The following BLOC1S5 variants were observed in gnomAD, a reference collection of about 807,000 sequenced individuals.
BLOC1S5 encodes biogenesis of lysosomal organelles complex 1 subunit 5.
BLOC1S5 carries 27 observed loss-of-function variants against 24.3 expected under a neutral mutation model. The observed-to-expected ratio is 1.11, with a 90% confidence interval of 0.82 to 1.53. The LOEUF (loss-of-function observed/expected upper bound fraction) is 1.53. BLOC1S5 is among the 40% of genes most tolerant of loss of function. The pLI, the probability that BLOC1S5 is intolerant of heterozygous loss-of-function variation, is 0.00. For synonymous variants in BLOC1S5, 84 were observed against 74.5 expected, an observed-to-expected ratio of 1.13 and a Z score of -0.66; for missense variants, 239 against 229.4, an observed-to-expected ratio of 1.04 and a Z score of -0.27.
At chr6:8,038,784 A>G (rs1388811375) in intron 3 of BLOC1S5, among the ~76,000 whole-genome samples, 1 of 152,214 alleles carries the variant, frequency 6.6e-6, no homozygotes, top group Non-Finnish European at 1.5e-5. Flanking sequence ...ACACCCAGCC[A>G]AAATGGCTTT....
In BLOC1S5 at chr6:8,017,786, C is replaced by T. The variant is rs77266069; in HGVS notation, c.385-1958G>A. On this transcript the variant is annotated intron_variant, in intron 4 of 4. Coordinates refer to ENST00000397457, the MANE Select transcript of BLOC1S5 (RefSeq NM_201280.3). Reference sequence around the variant, plus strand: ...CACTTTTATCCTCCATGGTCACTCACCTAATAGCTTGGTTGTAGATTCAAA... The same window carrying T: ...CACTTTTATCCTCCATGGTCACTCATCTAATAGCTTGGTTGTAGATTCAAA... 5.3e-5 allele frequency: 8 copies of T among 152,340 alleles called. No individual in the cohort carries two copies. The East Asian group carries it at 1.5e-3, about 29-fold the overall frequency. 9.4% of individuals were successfully genotyped at this position (152,340 alleles called of 1,614,324 possible). A position where few individuals can be genotyped will look rare whatever the true frequency, so the allele number is the denominator to read the frequency against.
intron 2 of BLOC1S5, among the ~76,000 whole-genome samples, chr6:8,048,740 C>T (rs1455788720): frequency 3.3e-5 from 5 of 152,078 alleles, no homozygotes; most frequent in African/African-American, 7.2e-5. Flanking sequence ...TGGCTGGGCA[C>T]GGTGGCTCAC....
At position 8,060,378 on chromosome 6, in the gene BLOC1S5, A is replaced by G. The variant is rs548287575; in HGVS notation, c.195+2156T>C. Among the ~76,000 whole-genome samples, 591 of 152,346 alleles carry G rather than the reference A, an allele frequency of 3.9e-3. 2 individuals are homozygous for G. Among genetic ancestry groups the G allele is most frequent in the Non-Finnish European group, 6.4e-3 (432 of 68,022 alleles). On this transcript the variant is annotated intron_variant, in intron 2 of 4. Transcript: ENST00000397457. ...AAGTAGAGGTCAGAGATCATCTAGG[A>G]TTTTTAAGTAGAGCCAAGGAGCTGG...
chr6:8,053,145 G>A lies in BLOC1S5; in HGVS notation c.195+9389C>T, dbSNP rs561138175. On this transcript the variant is annotated intron_variant, in intron 2 of 4. Coordinates refer to ENST00000397457, the MANE Select transcript of BLOC1S5 (RefSeq NM_201280.3). ...GAAATGATTACACTTAGAAAGACAT[G>A]TTGAAAATGCTGTGAACACGACTGA... Among the ~76,000 whole-genome samples, 7 of 152,130 alleles carry A rather than the reference G, an allele frequency of 4.6e-5. No individual in the cohort carries two copies. The East Asian group carries it at 1.3e-3, about 29-fold the overall frequency.
intron 2 of BLOC1S5, 143 bp from the exon 3 acceptor site, chr6:8,041,411 C>A: frequency 1.4e-6 from 1 of 735,576 alleles, no homozygotes; most frequent in South Asian, 2.3e-5. Context: ...CTCCTGGGTT[C>A]AAGTGAGTCT....
chr6:8,041,635 ATTAC>A (rs1346195571), intron 2 of BLOC1S5, among the ~76,000 whole-genome samples: 1 of 93,850 alleles, frequency 1.1e-5, no homozygotes, highest in Non-Finnish European at 2.2e-5. Context: ...AATCTTAGTA[ATTAC>A]TTTCTTTCTT....
intron 3 of BLOC1S5, among the ~76,000 whole-genome samples, chr6:8,028,174 G>C (rs1047484655): frequency 1.4e-4 from 21 of 152,088 alleles, no homozygotes; most frequent in Admixed American, 3.9e-4. Flanking sequence ...TCCACAATAG[G>C]GCAGGGACTG....
chr6:8,020,612 C>T (rs1210454198), intron 4 of BLOC1S5, among the ~76,000 whole-genome samples: 1 of 152,076 alleles, frequency 6.6e-6, no homozygotes, highest in Non-Finnish European at 1.5e-5. Context: ...GAGGGAGAGC[C>T]CCTAAAACTT....
intron 3 of BLOC1S5, among the ~76,000 whole-genome samples, chr6:8,033,013 G>T (rs976754654): frequency 6.6e-6 from 1 of 152,122 alleles, no homozygotes; most frequent in African/African-American, 2.4e-5. Flanking sequence ...CCATGCTCAT[G>T]GATAGGAAGA....
chr6:8,063,322 A>C (rs1333963008), intron 1 of BLOC1S5, among the ~76,000 whole-genome samples: 1 of 152,118 alleles, frequency 6.6e-6, no homozygotes, highest in Non-Finnish European at 1.5e-5. Context: ...TCTCTTTTTC[A>C]TAAGTCTGAA....
intron 2 of BLOC1S5, among the ~76,000 whole-genome samples, chr6:8,053,069 C>T (rs1383847129): frequency 1.3e-5 from 2 of 152,104 alleles, no homozygotes; most frequent in African/African-American, 4.8e-5. Context: ...ATGGCCTCTA[C>T]GTGTTCAAGT....
At chr6:8,048,751 G>A (rs1198830484) in intron 2 of BLOC1S5, among the ~76,000 whole-genome samples, 5 of 152,140 alleles carry the variant, frequency 3.3e-5, no homozygotes, top group South Asian at 2.1e-4. Flanking sequence ...GGTGGCTCAC[G>A]CCTGTAATCC....
In BLOC1S5 at chr6:8,026,442, A is replaced by G; in HGVS notation, c.326-17T>C. The G allele has an allele frequency of 1.9e-6, 3 of 1,609,182 alleles. No individual in the cohort carries two copies. Among genetic ancestry groups the G allele is most frequent in the Non-Finnish European group, 1.7e-6 (2 of 1,176,208 alleles). Reference sequence around the variant, plus strand: ...CTGCTTGCACTGAAATGAAAAAGACATGGGTTTTCAGTCAGCAGACCATGT... The same window carrying G: ...CTGCTTGCACTGAAATGAAAAAGACGTGGGTTTTCAGTCAGCAGACCATGT... On this transcript the variant is annotated splice_polypyrimidine_tract_variant and intron_variant, in intron 3 of 4. Coordinates refer to ENST00000397457, the MANE Select transcript of BLOC1S5 (RefSeq NM_201280.3).
intron 2 of BLOC1S5, among the ~76,000 whole-genome samples, chr6:8,059,918 G>A (rs1291674741): frequency 6.6e-6 from 1 of 152,232 alleles, no homozygotes; most frequent in African/African-American, 2.4e-5. Flanking sequence ...TAAGAACGAA[G>A]GGTGGGACTA....
chr6:8,045,032 G>A (rs1376749574), intron 2 of BLOC1S5, among the ~76,000 whole-genome samples: 1 of 152,236 alleles, frequency 6.6e-6, no homozygotes, highest in Non-Finnish European at 1.5e-5. Context: ...AATGTCTCCA[G>A]AGCATGTCAG....
intron 2 of BLOC1S5, 44 bp from the exon 3 acceptor site, chr6:8,041,312 C>CAT: frequency 2.8e-6 from 3 of 1,079,758 alleles, no homozygotes; most frequent in Non-Finnish European, 3.6e-6. Context: ...GTGTCTTTTC[C>CAT]TTTTTTTTTT....
intron 2 of BLOC1S5, 148 bp from the exon 3 acceptor site, chr6:8,041,416 G>A (rs539432172): frequency 1.8e-4 from 128 of 699,642 alleles, no homozygotes; most frequent in Non-Finnish European, 2.6e-4. Context: ...GGGTTCAAGT[G>A]AGTCTCCTGC....
intron 3 of BLOC1S5, among the ~76,000 whole-genome samples, chr6:8,030,215 A>G (rs188309981): frequency 6.6e-6 from 1 of 152,138 alleles, no homozygotes; most frequent in Non-Finnish European, 1.5e-5. Flanking sequence ...GCTGCAGTGC[A>G]GTGGCACAAT....
chr6:8,058,913 T>C (rs1035811941), intron 2 of BLOC1S5, among the ~76,000 whole-genome samples: 16 of 152,348 alleles, frequency 1.1e-4, no homozygotes, highest in African/African-American at 3.4e-4. Flanking sequence ...CTTACTGATA[T>C]ACATAGGTAT....
Sources: allele counts gnomAD v4.1 joint callset (sites outside exome capture counted in the v4.1 genomes callset), GRCh38; gene constraint gnomAD v4.1.1; transcripts MANE v1.5; gene names NCBI Gene and HGNC (gene_info 2026-07-23, HGNC 2026-07-21).